CD8B: variants seen among roughly 807,000 people sequenced by gnomAD.
The protein encoded by CD8B is T-cell surface glycoprotein CD8 beta chain.
In CD8B, 6 loss-of-function variants were observed where a neutral mutation model predicts 24.2. The observed-to-expected ratio is 0.25, with a 90% CI of 0.14 to 0.49. The LOEUF (loss-of-function observed/expected upper bound fraction) is 0.49. CD8B is among the 20% of genes least tolerant of loss of function. CD8B has a pLI of 0.98. For synonymous variants in CD8B, 84 were observed against 108.3 expected (o/e 0.78, Z 1.39); for missense variants, 196 against 271.3 (o/e 0.72, Z 1.95).
chr2:86,816,982 TCTCACAAAGTAA>T (rs1438748333), intron 5 of CD8B, among the ~76,000 whole-genome samples: 94 of 152,282 alleles, frequency 6.2e-4, no homozygotes, highest in African/African-American at 2.2e-3. Flanking sequence ...CATATCAGAC[TCTCACAAAGTAA>T]TAAGTTAAAG....
rs1203756060 is a variant in CD8B at position 86,840,795 on chromosome 2, A to C, written c.*1512T>G. On this transcript the variant is annotated 3_prime_UTR_variant, in exon 6 of 6. Transcript: ENST00000390655. ...CCCTCCTTCCGGTAACACTGCATCTATGCCTTTCTAACTCCACCCACCACA... is the reference window on the plus strand; with the variant it reads ...CCCTCCTTCCGGTAACACTGCATCTCTGCCTTTCTAACTCCACCCACCACA... 6.6e-6 allele frequency among the ~76,000 whole-genome samples: 1 copy of C among 152,142 alleles called. No individual in the cohort carries two copies. Among genetic ancestry groups the C allele is most frequent in the South Asian group, 2.1e-4 (1 of 4,814 alleles).
Position 86,826,725 on chromosome 2 carries a change from CTG to C in CD8B, c.621-11009_621-11008del, listed in dbSNP as rs1170744497. Among the ~76,000 whole-genome samples, 6 of 152,220 alleles carry C rather than the reference CTG, an allele frequency of 3.9e-5. No homozygotes were observed. The East Asian group carries it at 1.2e-3, about 29-fold the overall frequency. On this transcript the variant is annotated intron_variant, in intron 5 of 5. Transcript: ENST00000331469. ...ACAGTGTCGCTCTCGCCCAAGTACA[CTG>C]TGGGAGGCTTCCTTAGCAGGATCGA...
intron 5 of CD8B, among the ~76,000 whole-genome samples, chr2:86,832,669 T>G (rs1255457988): frequency 6.6e-6 from 1 of 151,974 alleles, no homozygotes; most frequent in Non-Finnish European, 1.5e-5. Context: ...CCCCCCAATT[T>G]ACTGCTCCCT....
At position 86,861,708 on chromosome 2, in the gene CD8B, C is replaced by T. The variant is rs1389130019; in HGVS notation, c.43+115G>A. On this transcript the variant is annotated intron_variant, in intron 1 of 5. Transcript: ENST00000390655. ...AAGCTGCCTCCCGGGCGCCCCGCCA[C>T]CGCGGGCTCGACGCTGCACCCTGCC... 6 of 823,340 alleles carry T rather than the reference C, an allele frequency of 7.3e-6. 1 individual carries two copies. In the African/African-American group the frequency reaches 1.1e-4, roughly 15 times the overall value. The allele number at this position is 823,340 out of a possible 1,614,324, so 51.0% of individuals were successfully genotyped here.
At chr2:86,836,903 C>T (rs541032849), downstream of CD8B, among the ~76,000 whole-genome samples, 2 of 152,280 alleles carry the variant, frequency 1.3e-5, no homozygotes, top group African/African-American at 2.4e-5. Context: ...TTCCTGTAAT[C>T]CCAGGACTTT....
intron 5 of CD8B, among the ~76,000 whole-genome samples, chr2:86,831,671 C>T (rs1328655693): frequency 1.4e-5 from 1 of 69,356 alleles, no homozygotes; most frequent in African/African-American, 4.5e-5. Context: ...CAGCAGAAAC[C>T]CAGAAGCCAG....
rs1242266512 is a variant in CD8B, at chr2:86,841,170, C to G, written c.*1137G>C. ...GGCACGAGGTCCTGCTCTTCACTCTCCACTCCTGCTCAGCACTTTCTCCTT... is the reference window on the plus strand; with the variant it reads ...GGCACGAGGTCCTGCTCTTCACTCTGCACTCCTGCTCAGCACTTTCTCCTT... On this transcript the variant is annotated 3_prime_UTR_variant, in exon 6 of 6. Coordinates refer to ENST00000390655, the MANE Select transcript of CD8B (RefSeq NM_004931.5). 6.7e-6 allele frequency among the ~76,000 whole-genome samples: 1 copy of G among 148,674 alleles called. No individual in the cohort carries two copies. The highest frequency in any genetic ancestry group is 1.5e-5 in the Non-Finnish European group (1 of 67,330).
intron 2 of CD8B, 25 bp from the exon 3 acceptor site, chr2:86,853,111 A>G: frequency 6.5e-7 from 1 of 1,546,376 alleles, no homozygotes; most frequent in Non-Finnish European, 8.7e-7. Context: ...CAAGACACAT[A>G]TCTTAGCCAA....
intron 2 of CD8B, among the ~76,000 whole-genome samples, chr2:86,853,502 A>C (rs1437263823): frequency 2.0e-5 from 3 of 152,006 alleles, no homozygotes; most frequent in Non-Finnish European, 4.4e-5. Flanking sequence ...TGAAGTCCTT[A>C]TGACTGTTCC....
In CD8B at chr2:86,857,733, A is replaced by G. The variant is rs572088294; in HGVS notation, c.403+324T>C. Among the ~76,000 whole-genome samples the G allele has an allele frequency of 5.9e-5, 9 of 152,194 alleles. 1 individual carries two copies. In the East Asian group the frequency reaches 1.4e-3, roughly 23 times the overall value. On this transcript the variant is annotated intron_variant, in intron 2 of 5. Coordinates refer to ENST00000390655, the MANE Select transcript of CD8B (RefSeq NM_004931.5). ...AGGCTCTGTCTCAAAAAAAATAATA[A>G]TAATAAATAAATAAAAAAGAGAAGC...
At chr2:86,844,983 A>G (rs1362764204) in intron 4 of CD8B, 25 bp from the exon 5 acceptor site, 2 of 1,556,632 alleles carry the variant, frequency 1.3e-6, no homozygotes, top group Non-Finnish European at 1.7e-6. Context: ...CAAGGGCGCC[A>G]GTCAGTGTGG....
intron 3 of CD8B, among the ~76,000 whole-genome samples, chr2:86,851,520 T>G (rs1307591859): frequency 2.6e-5 from 4 of 152,238 alleles, no homozygotes; most frequent in Non-Finnish European, 5.9e-5. Context: ...CTTAAGACTT[T>G]ACTCTTCTGT....
chr2:86,832,802 A>G (rs1446474194), intron 5 of CD8B, among the ~76,000 whole-genome samples: 2 of 152,192 alleles, frequency 1.3e-5, no homozygotes, highest in African/African-American at 4.8e-5. Context: ...TTTAACAGAC[A>G]GGTTAATAAA....
At chr2:86,855,504 C>T (rs1676189636) in intron 2 of CD8B, among the ~76,000 whole-genome samples, 1 of 152,178 alleles carries the variant, frequency 6.6e-6, no homozygotes, top group South Asian at 2.1e-4. Flanking sequence ...GTATCTGCAC[C>T]AAAAGACCTT....
At chr2:86,849,483 G>T (rs1675864414) in intron 3 of CD8B, among the ~76,000 whole-genome samples, 1 of 151,790 alleles carries the variant, frequency 6.6e-6, no homozygotes, top group Admixed American at 6.6e-5. Flanking sequence ...CCCTGGGGAG[G>T]CAAATCTGCA....
At chr2:86,855,628 G>A (rs907760450) in intron 2 of CD8B, among the ~76,000 whole-genome samples, 5 of 152,198 alleles carry the variant, frequency 3.3e-5, no homozygotes, top group East Asian at 1.9e-4. Flanking sequence ...TAGTGCTGAG[G>A]GCAACTATTG....
intron 2 of CD8B, among the ~76,000 whole-genome samples, chr2:86,855,512 C>T (rs1405722122): frequency 6.6e-6 from 1 of 152,228 alleles, no homozygotes; most frequent in Non-Finnish European, 1.5e-5. Flanking sequence ...ACCAAAAGAC[C>T]TTGATTCTAG....
intron 5 of CD8B, among the ~76,000 whole-genome samples, chr2:86,820,082 CAT>C (rs1674401446): frequency 6.6e-6 from 1 of 152,174 alleles, no homozygotes. Flanking sequence ...AAACTTAACA[CAT>C]GAGGAGTTTA....
chr2:86,843,104 T>G, intron 5 of CD8B, among the ~76,000 whole-genome samples: 1 of 152,196 alleles, frequency 6.6e-6, no homozygotes, highest in Non-Finnish European at 1.5e-5. Flanking sequence ...CTTTCTTTTT[T>G]TTTTTGAGAC....
Sources: allele counts gnomAD v4.1 joint callset (sites outside exome capture counted in the v4.1 genomes callset), GRCh38; gene constraint gnomAD v4.1.1; transcripts MANE v1.5; gene names NCBI Gene and HGNC (gene_info 2026-07-23, HGNC 2026-07-21).